LUZP2: variants seen among roughly 807,000 people sequenced by gnomAD.
LUZP2 encodes the protein leucine zipper protein 2.
Under a neutral mutation model 51.6 loss-of-function variants are expected in LUZP2, and 52 were observed. The ratio of observed to expected loss-of-function variants is 1.01; its 90% confidence interval spans 0.81 to 1.27. The LOEUF is 1.27. Among genes scored for constraint, LUZP2 ranks in the 50% most tolerant of loss-of-function variants. The pLI is 0.00. For missense variants in LUZP2, 436 were observed against 395.4 expected, an observed-to-expected ratio of 1.10 and a Z score of -0.87; for synonymous variants, 154 against 137.3, an observed-to-expected ratio of 1.12 and a Z score of -0.85.
chr11:24,754,296 C>A (rs1437454382), intron 4 of LUZP2, among the ~76,000 whole-genome samples: 5 of 151,742 alleles, frequency 3.3e-5, no homozygotes, highest in Non-Finnish European at 5.9e-5. Context: ...CATGCTCTGC[C>A]AGTGTTTTCT....
chr11:24,646,190 G>C (rs1240272484), intron 1 of LUZP2, among the ~76,000 whole-genome samples: 2 of 152,098 alleles, frequency 1.3e-5, no homozygotes, highest in Non-Finnish European at 2.9e-5. Context: ...GTTGCTTTCT[G>C]TGTTTATGTA....
intron 9 of LUZP2, among the ~76,000 whole-genome samples, chr11:25,000,075 C>T (rs946141885): frequency 3.3e-5 from 5 of 152,036 alleles, no homozygotes; most frequent in African/African-American, 1.2e-4. Context: ...CTGATTGGTC[C>T]GTTTGTACTG....
chr11:24,519,953 T>G (rs772491684), intron 1 of LUZP2, among the ~76,000 whole-genome samples: 34 of 152,336 alleles, frequency 2.2e-4, no homozygotes, highest in Non-Finnish European at 3.4e-4. Context: ...CATCAGCAAA[T>G]ATTGGTATGA....
chr11:24,972,145 A>AC (rs1195156470), intron 7 of LUZP2, among the ~76,000 whole-genome samples: 4 of 150,344 alleles, frequency 2.7e-5, no homozygotes, highest in African/African-American at 7.3e-5. Flanking sequence ...CTCCGAAAAA[A>AC]AAAAAAAAAA....
At chr11:24,510,037 A>G (rs1309775726) in intron 1 of LUZP2, among the ~76,000 whole-genome samples, 1 of 152,172 alleles carries the variant, frequency 6.6e-6, no homozygotes, top group Non-Finnish European at 1.5e-5. Context: ...ACAACATCTT[A>G]TGTAGCAATT....
At chr11:25,063,984 G>A (rs1026279257) in intron 10 of LUZP2, among the ~76,000 whole-genome samples, 4 of 151,608 alleles carry the variant, frequency 2.6e-5, no homozygotes, top group Admixed American at 1.3e-4. Flanking sequence ...TCACTGCCTA[G>A]GGACTCAATT....
At chr11:24,585,971 T>C (rs1450431932) in intron 1 of LUZP2, among the ~76,000 whole-genome samples, 1 of 152,194 alleles carries the variant, frequency 6.6e-6, no homozygotes. Context: ...GCATTTTTTG[T>C]ATTGATCTAT....
At chr11:24,562,398 C>T (rs1377157822) in intron 1 of LUZP2, among the ~76,000 whole-genome samples, 1 of 151,656 alleles carries the variant, frequency 6.6e-6, no homozygotes, top group Non-Finnish European at 1.5e-5. Context: ...ATAAGAAAGG[C>T]ACCCCAAGGG....
intron 5 of LUZP2, among the ~76,000 whole-genome samples, chr11:24,905,717 G>A (rs1474201274): frequency 6.6e-6 from 1 of 151,650 alleles, no homozygotes; most frequent in Non-Finnish European, 1.5e-5. Context: ...TTTCAAAAAC[G>A]AAATCATATC....
At chr11:24,966,400 A>G (rs185901419) in intron 7 of LUZP2, among the ~76,000 whole-genome samples, 37 of 150,844 alleles carry the variant, frequency 2.5e-4, no homozygotes, top group Admixed American at 6.6e-4. Flanking sequence ...ACAACATTTT[A>G]TATATAATAA....
At chr11:25,000,606 C>A (rs1469165713) in intron 9 of LUZP2, among the ~76,000 whole-genome samples, 2 of 152,168 alleles carry the variant, frequency 1.3e-5, no homozygotes, top group Non-Finnish European at 2.9e-5. Context: ...TGCCACGGTA[C>A]TTAGAAAGGG....
At chr11:24,582,740 G>GTTTTGT (rs1173424485) in intron 1 of LUZP2, among the ~76,000 whole-genome samples, 9 of 151,972 alleles carry the variant, frequency 5.9e-5, no homozygotes, top group African/African-American at 1.2e-4. Context: ...GGTTCCAGCG[G>GTTTTGT]TTTTGTTTTT....
At chr11:24,646,326 TAA>T (rs956432643) in intron 1 of LUZP2, among the ~76,000 whole-genome samples, 3 of 152,202 alleles carry the variant, frequency 2.0e-5, no homozygotes, top group African/African-American at 4.8e-5. Flanking sequence ...GTTCAAAATA[TAA>T]GAGAGTTTTA....
At chr11:24,872,364 G>A (rs1852107337) in intron 5 of LUZP2, among the ~76,000 whole-genome samples, 1 of 152,094 alleles carries the variant, frequency 6.6e-6, no homozygotes, top group African/African-American at 2.4e-5. Context: ...ATTTCACGCT[G>A]TATTTGCTTG....
chr11:24,685,226 G>T (rs1478215883), intron 1 of LUZP2, among the ~76,000 whole-genome samples: 3 of 151,992 alleles, frequency 2.0e-5, no homozygotes, highest in Admixed American at 6.6e-5. Context: ...TACCAAAGCT[G>T]CCATCGAGAA....
At position 24,594,950 on chromosome 11, in the gene LUZP2, C is replaced by T. The variant is rs575210547; in HGVS notation, c.62+97645C>T. Among the ~76,000 whole-genome samples the T allele has an allele frequency of 7.9e-5, 12 of 151,026 alleles. No individual in the cohort carries two copies. The South Asian group carries it at 1.9e-3, about 24-fold the overall frequency. On this transcript the variant is annotated intron_variant, in intron 1 of 11. Coordinates refer to ENST00000336930, the MANE Select transcript of LUZP2 (RefSeq NM_001009909.4). ...AATTTTTTTGTATTTTTAGTAGAGG[C>T]GGGGTTTCACCATATTGTTCAGGCT...
intron 5 of LUZP2, among the ~76,000 whole-genome samples, chr11:24,864,267 A>G (rs1755911257): frequency 1.3e-5 from 2 of 152,202 alleles, no homozygotes; most frequent in Admixed American, 6.5e-5. Context: ...AAGGAGGATT[A>G]TTGACATGGA....
chr11:25,076,967 T>G (rs1859325212), intron 10 of LUZP2, among the ~76,000 whole-genome samples: 1 of 152,166 alleles, frequency 6.6e-6, no homozygotes, highest in South Asian at 2.1e-4. Flanking sequence ...CTGCAGGCAC[T>G]CTGATAATTG....
intron 7 of LUZP2, among the ~76,000 whole-genome samples, chr11:24,945,068 A>G (rs1854862138): frequency 6.6e-6 from 1 of 152,172 alleles, no homozygotes; most frequent in African/African-American, 2.4e-5. Context: ...GCTGGAAACC[A>G]CATTTCATCA....
Sources: allele counts gnomAD v4.1 joint callset (sites outside exome capture counted in the v4.1 genomes callset), GRCh38; gene constraint gnomAD v4.1.1; transcripts MANE v1.5; gene names NCBI Gene and HGNC (gene_info 2026-07-23, HGNC 2026-07-21).